The following ARHGAP6 variants were observed in gnomAD, a reference collection of about 807,000 sequenced individuals.
ARHGAP6 encodes rho GTPase-activating protein 6.
ARHGAP6 carries 16 observed loss-of-function variants against 55.7 expected under a neutral mutation model. That is an observed-to-expected ratio of 0.29 (90% CI 0.19 to 0.44). The LOEUF (loss-of-function observed/expected upper bound fraction) is 0.44. Ranked by LOEUF, ARHGAP6 falls within the 20% of genes least tolerant of loss-of-function variation. The probability of loss-of-function intolerance (pLI) is 1.00; values close to 1 mark genes in which losing one functional copy is unlikely to be tolerated. For synonymous variants in ARHGAP6, 382 were observed against 360.9 expected, an observed-to-expected ratio of 1.06 and a Z score of -0.66; for missense variants, 698 against 808.9, an observed-to-expected ratio of 0.86 and a Z score of 1.66.
intron 2 of ARHGAP6, among the ~76,000 whole-genome samples, chrX:11,250,046 C>T (rs950701673): frequency 3.6e-5 from 4 of 111,709 alleles, no homozygotes; most frequent in Non-Finnish European, 7.5e-5. Flanking sequence ...TACAAAAATA[C>T]CGTATTTATC....
At chrX:11,316,784 A>C (rs1002106114) in intron 1 of ARHGAP6, among the ~76,000 whole-genome samples, 2 of 112,153 alleles carry the variant, frequency 1.8e-5, no homozygotes, top group Non-Finnish European at 3.8e-5. Flanking sequence ...TTTAGATTCC[A>C]CATGTAAGTG....
intron 1 of ARHGAP6, among the ~76,000 whole-genome samples, chrX:11,454,565 G>C (rs2050178388): frequency 8.9e-6 from 1 of 111,781 alleles, no homozygotes; most frequent in Admixed American, 9.5e-5. Context: ...TTTCCATATG[G>C]AGTTGTATTG....
rs1208789357 is a variant in ARHGAP6 at position 11,664,272 on chromosome X, C to G, written c.557G>C (p.Arg186Pro). The G allele has an allele frequency of 8.3e-7, 1 of 1,209,512 alleles. No individual in the cohort carries two copies. Among genetic ancestry groups the G allele is most frequent in the Non-Finnish European group, 1.1e-6 (1 of 894,685 alleles). Residue 186 changes from arginine (R) to proline (P), a missense_variant, in exon 1 of 13, where the codon CGC (arginine) becomes CCC (proline). Transcript: ENST00000337414. ...TTTCCACACGACGTAGGGGTGCCCGCGACTGTCGGGTGGGGACTGGAACTT... is the reference window on the plus strand; with the variant it reads ...TTTCCACACGACGTAGGGGTGCCCGGGACTGTCGGGTGGGGACTGGAACTT... ...QRKFQSPPDS[R>P]GHPYVVWKSE...
At chrX:11,207,998 G>A (rs183309222) in intron 2 of ARHGAP6, among the ~76,000 whole-genome samples, 12 of 111,623 alleles carry the variant, frequency 1.1e-4, no homozygotes, top group Admixed American at 1.9e-4. Flanking sequence ...CAATGTTATC[G>A]ATACATTAGA....
At chrX:11,468,664 T>C (rs1309030151) in intron 1 of ARHGAP6, among the ~76,000 whole-genome samples, 1 of 112,698 alleles carries the variant, frequency 8.9e-6, no homozygotes, top group Admixed American at 9.4e-5. Flanking sequence ...TGAAATGACT[T>C]CTAGAAAACA....
intron 1 of ARHGAP6, among the ~76,000 whole-genome samples, chrX:11,387,874 G>A (rs2049350115): frequency 1.8e-5 from 2 of 111,631 alleles, no homozygotes; most frequent in African/African-American, 6.5e-5. Flanking sequence ...CCCTACAAAG[G>A]ACATGAACTC....
At chrX:11,201,472 G>T (rs1476900739) in intron 2 of ARHGAP6, among the ~76,000 whole-genome samples, 2 of 111,809 alleles carry the variant, frequency 1.8e-5, no homozygotes, top group Non-Finnish European at 3.8e-5. Flanking sequence ...CTTGTACATG[G>T]GCAGGAGCTG....
chrX:11,153,127 C>T (rs1313813768), intron 10 of ARHGAP6, among the ~76,000 whole-genome samples: 1 of 111,541 alleles, frequency 9.0e-6, no homozygotes, highest in East Asian at 2.8e-4. Context: ...GTATCAGGAT[C>T]ACTTGGGAGC....
intron 10 of ARHGAP6, among the ~76,000 whole-genome samples, chrX:11,153,545 AAAAAG>A (rs1462268759): frequency 9.4e-6 from 1 of 106,530 alleles, no homozygotes; most frequent in African/African-American, 3.4e-5. Context: ...AAAAAAAAAA[AAAAAG>A]GCAACTACAG....
intron 1 of ARHGAP6, among the ~76,000 whole-genome samples, chrX:11,555,819 C>T (rs745771186): frequency 3.7e-4 from 41 of 110,907 alleles, no homozygotes; most frequent in African/African-American, 1.2e-3. Flanking sequence ...GAAGAGCGTA[C>T]GCAGAGACCT....
intron 2 of ARHGAP6, among the ~76,000 whole-genome samples, chrX:11,252,586 G>T (rs2047438035): frequency 8.9e-6 from 1 of 112,359 alleles, no homozygotes; most frequent in South Asian, 3.7e-4. Context: ...TGAGCTGAGG[G>T]TCTCTATGTG....
At chrX:11,248,202 C>T (rs1317437719) in intron 2 of ARHGAP6, among the ~76,000 whole-genome samples, 1 of 111,025 alleles carries the variant, frequency 9.0e-6, no homozygotes, top group African/African-American at 3.3e-5. Flanking sequence ...GAGAGTTTGC[C>T]CTTCTCACCC....
chrX:11,252,276 A>C (rs954155690), intron 2 of ARHGAP6, among the ~76,000 whole-genome samples: 2 of 112,763 alleles, frequency 1.8e-5, no homozygotes, highest in Non-Finnish European at 3.7e-5. Context: ...AGTTTCAAAA[A>C]CTTTTCAAAG....
chrX:11,321,884 T>C (rs907859046), intron 1 of ARHGAP6, among the ~76,000 whole-genome samples: 1 of 112,275 alleles, frequency 8.9e-6, no homozygotes, highest in South Asian at 3.7e-4. Context: ...AAACGGATCA[T>C]AAATATTACA....
At chrX:11,149,958 A>C (rs896238389) in intron 10 of ARHGAP6, among the ~76,000 whole-genome samples, 1 of 111,425 alleles carries the variant, frequency 9.0e-6, no homozygotes, top group Non-Finnish European at 1.9e-5. Flanking sequence ...TTTTAGTTTA[A>C]TTTTTTTTCC....
Position 11,139,034 on chromosome X carries a change from C to T in ARHGAP6, c.2754G>A (p.Glu918=), listed in dbSNP as rs76652781. ...TCAGTTTTTTCTGCGTGACCTGCTG[C>T]TCTCGCTCGGCTGCTTGGCCTCCCT... ...TDQGGQAAER[E]QQVTQKKLSS... The change falls in exon 13 of 13, where the codon GAG becomes GAA. Residue 918 remains glutamate, a synonymous_variant. Transcript: ENST00000337414. 1.3e-5 allele frequency: 16 copies of T among 1,207,125 alleles called. No homozygotes were observed. The highest frequency in any genetic ancestry group is 1.7e-5 in the African/African-American group (1 of 57,452).
At chrX:11,608,182 GATT>G (rs1341851175) in intron 1 of ARHGAP6, among the ~76,000 whole-genome samples, 1 of 111,635 alleles carries the variant, frequency 9.0e-6, no homozygotes, top group Non-Finnish European at 1.9e-5. Context: ...AACATGGCAG[GATT>G]ATATGAGCAC....
chrX:11,411,268 T>G (rs982877949), intron 1 of ARHGAP6, among the ~76,000 whole-genome samples: 24 of 93,287 alleles, frequency 2.6e-4, no homozygotes, highest in African/African-American at 8.7e-4. Context: ...TATTTATATG[T>G]TTACGTTAGA....
intron 1 of ARHGAP6, among the ~76,000 whole-genome samples, chrX:11,606,059 A>G (rs754318831): frequency 1.8e-4 from 20 of 111,815 alleles, no homozygotes; most frequent in Admixed American, 2.8e-4. Context: ...GAAATTATGC[A>G]AAGGCAGTTC....
Sources: allele counts gnomAD v4.1 joint callset (sites outside exome capture counted in the v4.1 genomes callset), GRCh38; gene constraint gnomAD v4.1.1; transcripts MANE v1.5; gene names NCBI Gene and HGNC (gene_info 2026-07-23, HGNC 2026-07-21).